The following SCMH1 variants were observed in gnomAD, a reference collection of about 807,000 sequenced individuals.
SCMH1 encodes the protein Scm polycomb group protein homolog 1.
Under a neutral mutation model 70.8 loss-of-function variants are expected in SCMH1, and 37 were observed. The observed-to-expected ratio is 0.52, with a 90% CI of 0.40 to 0.69. The LOEUF (loss-of-function observed/expected upper bound fraction) is 0.69. Ranked by LOEUF, SCMH1 falls within the 30% of genes least tolerant of loss-of-function variation. SCMH1 has a pLI of 0.00. For synonymous variants in SCMH1, 292 were observed against 307.4 expected, an observed-to-expected ratio of 0.95 and a Z score of 0.52; for missense variants, 607 against 827.3, an observed-to-expected ratio of 0.73 and a Z score of 3.27.
At chr1:41,038,256 C>T (rs115614861) in intron 12 of SCMH1, among the ~76,000 whole-genome samples, 121 of 152,244 alleles carry the variant, frequency 7.9e-4, no homozygotes, top group African/African-American at 2.6e-3. Context: ...GGAATCTTAC[C>T]GTGATGTTTC....
intron 7 of SCMH1, 27 bp downstream of exon 7, chr1:41,116,895 G>C (rs757237862): frequency 1.3e-6 from 2 of 1,572,602 alleles, no homozygotes; most frequent in Non-Finnish European, 1.7e-6. Context: ...GCAGCCTGGA[G>C]CTGGTGATAT....
intron 8 of SCMH1, among the ~76,000 whole-genome samples, chr1:41,105,760 T>C (rs913422132): frequency 6.6e-6 from 1 of 152,202 alleles, no homozygotes; most frequent in African/African-American, 2.4e-5. Context: ...TTATAACAGC[T>C]TGTTAACTGG....
chr1:41,192,207 C>G (rs1287263888), intron 1 of SCMH1, among the ~76,000 whole-genome samples: 1 of 152,056 alleles, frequency 6.6e-6, no homozygotes, highest in African/African-American at 2.4e-5. Flanking sequence ...CTTTTATTGT[C>G]TGTTCATTTT....
intron 2 of SCMH1, among the ~76,000 whole-genome samples, chr1:41,173,472 A>G (rs1646917511): frequency 1.3e-5 from 2 of 152,128 alleles, no homozygotes; most frequent in African/African-American, 4.8e-5. Flanking sequence ...ATAAATGCTG[A>G]CAAAAATGTG....
At chr1:41,186,281 A>AAGAAC in intron 1 of SCMH1, 31 bp from the exon 2 acceptor site, 1 of 590,268 alleles carries the variant, frequency 1.7e-6, no homozygotes, top group Non-Finnish European at 3.2e-6. Context: ...GAGGAAGGAG[A>AAGAAC]AGAACATTTA....
At chr1:41,182,219 G>A (rs1324159483) in intron 2 of SCMH1, among the ~76,000 whole-genome samples, 2 of 152,156 alleles carry the variant, frequency 1.3e-5, no homozygotes, top group Non-Finnish European at 2.9e-5. Context: ...GGAGAGGGGA[G>A]GGATAGCATT....
At chr1:41,042,810 T>C (rs555134054) in intron 12 of SCMH1, among the ~76,000 whole-genome samples, 1 of 152,204 alleles carries the variant, frequency 6.6e-6, no homozygotes, top group Non-Finnish European at 1.5e-5. Context: ...TAGAGTCTAG[T>C]ATAGAATCGG....
intron 8 of SCMH1, among the ~76,000 whole-genome samples, chr1:41,096,840 C>T (rs1316779625): frequency 6.6e-6 from 1 of 152,068 alleles, no homozygotes; most frequent in African/African-American, 2.4e-5. Context: ...TGAAACAATC[C>T]TAATGCTTAC....
At chr1:41,044,988 C>T (rs944460668) in intron 12 of SCMH1, among the ~76,000 whole-genome samples, 3 of 152,180 alleles carry the variant, frequency 2.0e-5, no homozygotes, top group Admixed American at 6.5e-5. Flanking sequence ...TTTAAACTAG[C>T]AGCTACATTC....
intron 8 of SCMH1, among the ~76,000 whole-genome samples, chr1:41,088,243 C>T (rs1289597850): frequency 6.6e-6 from 1 of 151,720 alleles, no homozygotes; most frequent in African/African-American, 2.4e-5. Context: ...GGAGGATAAA[C>T]CAGAAAATAG....
chr1:41,046,710 G>T (rs557336100), intron 11 of SCMH1, 112 bp from the exon 12 acceptor site: 6 of 820,352 alleles, frequency 7.3e-6, no homozygotes, highest in Admixed American at 2.2e-5. Flanking sequence ...TACACAAAGG[G>T]AATCAGTGCC....
intron 8 of SCMH1, among the ~76,000 whole-genome samples, chr1:41,077,544 T>C (rs1214554012): frequency 6.6e-6 from 1 of 152,128 alleles, no homozygotes; most frequent in Non-Finnish European, 1.5e-5. Context: ...CTCTTAAAGA[T>C]ATTTTAAAAC....
intron 11 of SCMH1, among the ~76,000 whole-genome samples, chr1:41,048,433 G>A (rs1237941897): frequency 1.3e-5 from 2 of 152,092 alleles, no homozygotes; most frequent in Non-Finnish European, 2.9e-5. Flanking sequence ...CTTTCTGTAC[G>A]GACAGGTCAA....
intron 6 of SCMH1, among the ~76,000 whole-genome samples, chr1:41,123,253 G>A (rs1672384444): frequency 6.6e-6 from 1 of 152,130 alleles, no homozygotes; most frequent in African/African-American, 2.4e-5. Flanking sequence ...GGAGCAGCAG[G>A]ACTATAATCT....
At chr1:41,090,244 T>G (rs1342631457) in intron 8 of SCMH1, among the ~76,000 whole-genome samples, 1 of 152,220 alleles carries the variant, frequency 6.6e-6, no homozygotes, top group Admixed American at 6.5e-5. Context: ...CAATATGAAT[T>G]TTAAGTTAAC....
chr1:41,113,870 T>C lies in SCMH1; in HGVS notation c.502-344A>G, dbSNP rs1669811853. On this transcript the variant is annotated intron_variant, in intron 7 of 14. Transcript: ENST00000337495. The surrounding 1 kb of genome is among the most constrained non-coding windows in gnomAD (Gnocchi z 4.3). Reference sequence around the variant, plus strand: ...CATGTTTTATATTTTACTATATACATACATACCCATTTGCCTGCTTTTAAA... The same window carrying C: ...CATGTTTTATATTTTACTATATACACACATACCCATTTGCCTGCTTTTAAA... Among the ~76,000 whole-genome samples the C allele has an allele frequency of 6.6e-6, 1 of 152,182 alleles. No individual in the cohort carries two copies.
chr1:41,239,424 C>T (rs898111744), intron 1 of SCMH1, among the ~76,000 whole-genome samples: 1 of 152,222 alleles, frequency 6.6e-6, no homozygotes, highest in African/African-American at 2.4e-5. Context: ...CTAGGCTAGT[C>T]TAAGTGCCCT....
In SCMH1 at chr1:41,075,216, T is replaced by C. The variant is rs1291789710; in HGVS notation, c.978+3A>G. 6.2e-7 allele frequency: 1 copy of C among 1,614,026 alleles called. No homozygotes were observed. The highest frequency in any genetic ancestry group is 8.5e-7 in the Non-Finnish European group (1 of 1,179,880). ...CTTTCTGGGAAACCCACATTTTACCTACCTTGCTGCCAGGTTTGGGACCTC... is the reference window on the plus strand; with the variant it reads ...CTTTCTGGGAAACCCACATTTTACCCACCTTGCTGCCAGGTTTGGGACCTC... On this transcript the variant is annotated splice_donor_region_variant and intron_variant, in intron 9 of 14. Coordinates refer to ENST00000337495, the Ensembl canonical transcript of SCMH1.
At chr1:41,034,151 A>C (rs1016552721) in intron 13 of SCMH1, 103 bp from the exon 14 acceptor site, 17 of 1,466,978 alleles carry the variant, frequency 1.2e-5, no homozygotes, top group Admixed American at 2.2e-5. Flanking sequence ...TCAAGTCTCA[A>C]AGCAAGGGAG....
Sources: allele counts gnomAD v4.1 joint callset (sites outside exome capture counted in the v4.1 genomes callset), GRCh38; gene constraint gnomAD v4.1.1; non-coding constraint Gnocchi (gnomAD v3.1); transcripts MANE v1.5; gene names NCBI Gene and HGNC (gene_info 2026-07-23, HGNC 2026-07-21).